The following ADAMTS20 variants were observed in gnomAD, a reference collection of about 807,000 sequenced individuals.
ADAMTS20 encodes the protein ADAM metallopeptidase with thrombospondin type 1 motif 20, also known as A disintegrin and metalloproteinase with thrombospondin motifs 20.
ADAMTS20 carries 225 observed loss-of-function variants against 260.1 expected under a neutral mutation model. That is an observed-to-expected ratio of 0.87 (90% CI 0.78 to 0.97). The LOEUF is 0.97. Among genes scored for constraint, ADAMTS20 ranks in the 50% least tolerant of loss-of-function variants. The probability of loss-of-function intolerance (pLI) is 0.00; values close to 1 mark genes in which losing one functional copy is unlikely to be tolerated. For missense variants in ADAMTS20, 2,400 were observed against 2,337.7 expected (o/e 1.03, Z -0.55); for synonymous variants, 802 against 769.5 (o/e 1.04, Z -0.70).
chr12:43,519,350 A>T (rs566295103), intron 3 of ADAMTS20, among the ~76,000 whole-genome samples: 6 of 152,162 alleles, frequency 3.9e-5, no homozygotes, highest in Non-Finnish European at 7.4e-5. Context: ...TATTTCTACT[A>T]ATTTCTTGCT....
rs1290531742 is a variant in ADAMTS20 at position 43,545,819 on chromosome 12, A to G, written c.453+5090T>C. ...CTTTTTTTCTTACATAAGCTCTTAC[A>G]CAGCTCTCCAAGCTCTCTCCTTAGT... On this transcript the variant is annotated intron_variant, in intron 2 of 38. Coordinates refer to ENST00000389420, the MANE Select transcript of ADAMTS20 (RefSeq NM_025003.5). Among the ~76,000 whole-genome samples, 5 of 152,094 alleles carry G rather than the reference A, an allele frequency of 3.3e-5. No individual in the cohort carries two copies. The East Asian group carries it at 9.7e-4, about 29-fold the overall frequency.
chr12:43,443,238 A>T (rs1259916341), intron 16 of ADAMTS20, among the ~76,000 whole-genome samples: 1 of 152,232 alleles, frequency 6.6e-6, no homozygotes, highest in African/African-American at 2.4e-5. Context: ...TAAGCCTGAA[A>T]GCTAATTTCT....
chr12:43,356,613 A>C (rs770127161), intron 37 of ADAMTS20, 25 bp from the exon 38 acceptor site: 1 of 1,506,340 alleles, frequency 6.6e-7, no homozygotes, highest in Admixed American at 1.8e-5. Flanking sequence ...AAACAAAGAA[A>C]AATAGATGGA....
intron 38 of ADAMTS20, among the ~76,000 whole-genome samples, chr12:43,354,672 A>G (rs992858417): frequency 6.6e-6 from 1 of 152,174 alleles, no homozygotes; most frequent in Non-Finnish European, 1.5e-5. Flanking sequence ...CAGTATTTAC[A>G]TAATTTTATA....
chr12:43,458,234 T>G lies in ADAMTS20; in HGVS notation c.1615-4182A>C, dbSNP rs578243762. Among the ~76,000 whole-genome samples, 178 of 152,226 alleles carry G rather than the reference T, an allele frequency of 1.2e-3. 1 individual carries two copies. The highest frequency in any genetic ancestry group is 2.1e-3 in the Non-Finnish European group (141 of 68,046). Reference sequence around the variant, plus strand: ...GGTGACAGACAGATGGTTGCATTCTTTTGAGTTTCTGATAAGTATTTCCAA... The same window carrying G: ...GGTGACAGACAGATGGTTGCATTCTGTTGAGTTTCTGATAAGTATTTCCAA... On this transcript the variant is annotated intron_variant, in intron 11 of 38. Coordinates refer to ENST00000389420, the MANE Select transcript of ADAMTS20 (RefSeq NM_025003.5).
chr12:43,488,080 T>G (rs1942549769), intron 7 of ADAMTS20, among the ~76,000 whole-genome samples: 2 of 152,014 alleles, frequency 1.3e-5, no homozygotes, highest in African/African-American at 4.8e-5. Context: ...GAAGAAGAGT[T>G]TTTTTGTTTT....
chr12:43,455,992 T>C (rs1371229539), intron 11 of ADAMTS20, among the ~76,000 whole-genome samples: 4 of 152,192 alleles, frequency 2.6e-5, no homozygotes, highest in African/African-American at 9.7e-5. Flanking sequence ...TGTACAAATA[T>C]ATCTTTGAAA....
At chr12:43,511,390 A>G (rs1429185967) in intron 3 of ADAMTS20, among the ~76,000 whole-genome samples, 3 of 151,976 alleles carry the variant, frequency 2.0e-5, no homozygotes, top group Non-Finnish European at 1.5e-5. Context: ...ACCCCTAAAC[A>G]CAGTCACCAC....
In ADAMTS20 at chr12:43,551,212, C is replaced by T. The variant is rs747504447; in HGVS notation, c.150G>A (p.Glu50=). The change falls in exon 2 of 39, where the codon GAG becomes GAA. Residue 50 remains glutamate, a synonymous_variant. Transcript: ENST00000389420. This position sits in a 1 kb window ranked among gnomAD's most constrained non-coding sequence, Gnocchi z 4.6. ...GGCTCTGAGGGAACACTTCTCCAAA[C>T]TCATTGACCCGCTCGGGGATCACTA... ...YEVVIPERVN[E]FGEVFPQSHH... 17 of 1,613,912 alleles carry T rather than the reference C, an allele frequency of 1.1e-5. No homozygotes were observed. The highest frequency in any genetic ancestry group is 1.4e-5 in the Non-Finnish European group (17 of 1,179,876).
chr12:43,396,581 G>A (rs1469603648), intron 29 of ADAMTS20, among the ~76,000 whole-genome samples: 1 of 152,134 alleles, frequency 6.6e-6, no homozygotes, highest in Non-Finnish European at 1.5e-5. Context: ...GACTGTGTGG[G>A]TGAATGCAAC....
chr12:43,536,511 A>C (rs376645148), intron 2 of ADAMTS20, among the ~76,000 whole-genome samples: 2 of 72,156 alleles, frequency 2.8e-5, no homozygotes, highest in African/African-American at 7.3e-5. Flanking sequence ...TGCAATAAAA[A>C]ATAAAATAAG....
At chr12:43,497,708 T>C (rs1942696974) in intron 4 of ADAMTS20, among the ~76,000 whole-genome samples, 1 of 152,024 alleles carries the variant, frequency 6.6e-6, no homozygotes, top group Non-Finnish European at 1.5e-5. Flanking sequence ...ACTAACAAGA[T>C]TGAAAGTAAT....
At chr12:43,539,312 G>A (rs1054557584) in intron 2 of ADAMTS20, among the ~76,000 whole-genome samples, 11 of 151,992 alleles carry the variant, frequency 7.2e-5, no homozygotes, top group Non-Finnish European at 1.3e-4. Context: ...GTTATATGAC[G>A]GTTTTCTTTC....
chr12:43,476,253 A>G (rs1261923283), intron 7 of ADAMTS20, among the ~76,000 whole-genome samples: 1 of 70,152 alleles, frequency 1.4e-5, no homozygotes, highest in Non-Finnish European at 2.7e-5. Flanking sequence ...AATGCTCATC[A>G]TCACTGGTCA....
intron 37 of ADAMTS20, among the ~76,000 whole-genome samples, chr12:43,368,517 T>TA (rs2137197778): frequency 6.6e-6 from 1 of 152,214 alleles, no homozygotes; most frequent in South Asian, 2.1e-4. Flanking sequence ...TAATGAAAAT[T>TA]ATAAATGGAA....
intron 36 of ADAMTS20, among the ~76,000 whole-genome samples, chr12:43,370,735 T>C (rs1940090048): frequency 6.6e-6 from 1 of 152,226 alleles, no homozygotes; most frequent in Admixed American, 6.5e-5. Flanking sequence ...TTTGCCCTGC[T>C]CTATTTCCCA....
At chr12:43,544,581 A>T (rs1943418096) in intron 2 of ADAMTS20, among the ~76,000 whole-genome samples, 1 of 152,198 alleles carries the variant, frequency 6.6e-6, no homozygotes, top group African/African-American at 2.4e-5. Flanking sequence ...AGAGAAGATC[A>T]GGGGAAAAGG....
chr12:43,479,743 G>A (rs1441487542), intron 7 of ADAMTS20, among the ~76,000 whole-genome samples: 1 of 151,914 alleles, frequency 6.6e-6, no homozygotes, highest in Non-Finnish European at 1.5e-5. Context: ...AAGAAATCCT[G>A]GACATTAATC....
intron 8 of ADAMTS20, 26 bp downstream of exon 8, chr12:43,468,574 T>C (rs1942195915): frequency 1.5e-6 from 2 of 1,360,162 alleles, no homozygotes; most frequent in African/African-American, 1.4e-5. Flanking sequence ...AGAATGCACA[T>C]TAAGGAGGTG....
Sources: allele counts gnomAD v4.1 joint callset (sites outside exome capture counted in the v4.1 genomes callset), GRCh38; gene constraint gnomAD v4.1.1; non-coding constraint Gnocchi (gnomAD v3.1); transcripts MANE v1.5; gene names NCBI Gene and HGNC (gene_info 2026-07-23, HGNC 2026-07-21).